The following SPDYE1 variants were observed in gnomAD, a reference collection of about 807,000 sequenced individuals.
SPDYE1 encodes the protein speedy/RINGO cell cycle regulator family member E1, also known as speedy protein E1.
Under a neutral mutation model 45.9 loss-of-function variants are expected in SPDYE1, and 29 were observed. That is an observed-to-expected ratio of 0.63 (90% CI 0.47 to 0.86). The LOEUF (loss-of-function observed/expected upper bound fraction) is 0.86. Ranked by LOEUF, SPDYE1 falls within the 40% of genes least tolerant of loss-of-function variation. The pLI is 0.00. For missense variants in SPDYE1, 346 were observed against 481.4 expected, an observed-to-expected ratio of 0.72 and a Z score of 2.63; for synonymous variants, 134 against 176.8, an observed-to-expected ratio of 0.76 and a Z score of 1.92.
chr7:44,007,192 C>T (rs1225674713), intron 6 of SPDYE1, 76 bp from the exon 7 acceptor site: 9 of 1,611,498 alleles, frequency 5.6e-6, no homozygotes, highest in Non-Finnish European at 7.6e-6. Context: ...CCTTACCTTC[C>T]TCTCTGGGAA....
chr7:44,005,327 C>G, intron 6 of SPDYE1, 100 bp downstream of exon 6: 2 of 1,434,508 alleles, frequency 1.4e-6, no homozygotes, highest in South Asian at 1.1e-5. Flanking sequence ...CCTATTTGTC[C>G]TCTTTACTCT....
intron 6 of SPDYE1, among the ~76,000 whole-genome samples, chr7:44,007,030 C>T (rs1250358566): frequency 4.6e-5 from 7 of 152,208 alleles, no homozygotes; most frequent in African/African-American, 1.2e-4. Context: ...GGATTCCAGG[C>T]GTAAGCCACC....
At chr7:44,006,415 G>A (rs2096071248) in intron 6 of SPDYE1, among the ~76,000 whole-genome samples, 1 of 151,190 alleles carries the variant, frequency 6.6e-6, no homozygotes, top group Middle Eastern at 3.4e-3. Context: ...GCCTGTAGAA[G>A]GCAGGGTCCT....
intron 1 of SPDYE1, among the ~76,000 whole-genome samples, chr7:43,998,506 G>A (rs1453480345): frequency 6.8e-6 from 1 of 147,100 alleles, no homozygotes. Flanking sequence ...GTAGAGATGG[G>A]GTTTCACCAT....
chr7:44,004,406 A>G (rs1043040603), intron 5 of SPDYE1: 6 of 228,878 alleles, frequency 2.6e-5, no homozygotes, highest in East Asian at 1.2e-4. Context: ...TCTGCTCCCC[A>G]GGATGGAGTG....
At chr7:44,005,114 CCT>C (rs1332085443) in intron 5 of SPDYE1, 26 bp from the exon 6 acceptor site, 4 of 1,610,722 alleles carry the variant, frequency 2.5e-6, no homozygotes, top group Non-Finnish European at 1.7e-6. Context: ...GTGACCTCTC[CCT>C]CTCTGTGTTC....
intron 3 of SPDYE1, among the ~76,000 whole-genome samples, chr7:44,001,625 G>A (rs1401598779): frequency 6.6e-6 from 1 of 152,084 alleles, no homozygotes; most frequent in African/African-American, 2.4e-5. Context: ...CTGCACTCCA[G>A]CCTGGGTGAC....
intron 6 of SPDYE1, 100 bp from the exon 7 acceptor site, chr7:44,007,168 A>G: frequency 1.9e-6 from 3 of 1,605,954 alleles, no homozygotes; most frequent in Non-Finnish European, 2.5e-6. Context: ...GCCAGTCCTG[A>G]GCTAGGAACG....
chr7:44,008,306 T>C (rs2096074647), intron 8 of SPDYE1, among the ~76,000 whole-genome samples: 1 of 152,206 alleles, frequency 6.6e-6, no homozygotes, highest in Admixed American at 6.5e-5. Flanking sequence ...TAGAAACACA[T>C]CTAGCATGGT....
Position 44,005,135 on chromosome 7 carries a change from C to G in SPDYE1, c.667-7C>G. On this transcript the variant is annotated splice_region_variant and splice_polypyrimidine_tract_variant and intron_variant, in intron 5 of 8. Coordinates refer to ENST00000693451, the MANE Select transcript of SPDYE1 (RefSeq NM_001378423.2). Reference sequence around the variant, plus strand: ...TCTCCCTCTCTGTGTTCCTTTCTCTCCATCAGTATCTCCTTGCTATGGTCA... The same window carrying G: ...TCTCCCTCTCTGTGTTCCTTTCTCTGCATCAGTATCTCCTTGCTATGGTCA... 3.7e-6 allele frequency: 6 copies of G among 1,611,866 alleles called. No homozygotes were observed. Among genetic ancestry groups the G allele is most frequent in the Non-Finnish European group, 5.1e-6 (6 of 1,179,780 alleles).
At position 44,002,794 on chromosome 7, in the gene SPDYE1, A is replaced by C; in HGVS notation, c.584A>C (p.His195Pro). Residue 195 changes from histidine (H) to proline (P), a missense_variant, in exon 4 of 9, where the codon CAC becomes CCC. Coordinates refer to ENST00000693451, the MANE Select transcript of SPDYE1 (RefSeq NM_001378423.2). ...GTGTCGCTCGTGCTCCCTGAGCACC[A>C]CGAGGCCTTCAACAGGCTGCTTGGT... The part of the protein sequence containing the change: ...RRVSLVLPEH[H>P]EAFNRLLEDP... 6.5e-7 allele frequency: 1 copy of C among 1,536,358 alleles called. No individual in the cohort carries two copies.
At position 44,002,611 on chromosome 7, in the gene SPDYE1, C is replaced by T. The variant is rs2096065234; in HGVS notation, c.401C>T (p.Pro134Leu). The change falls in exon 4 of 9, where the codon CCC becomes CTC. Residue 134 changes from proline (P) to leucine (L), a missense_variant. By Grantham distance (98) the Pro-to-Leu change is moderately conservative (BLOSUM62 -3). This residue lies in a region of SPDYE1 where 141 missense variants were observed against 176.7 expected (regional missense o/e 0.80). Transcript: ENST00000693451. The part of the protein sequence containing the change: ...SQLAPGVDPS[P>L]PHRSFCWKRK... ...TCAGCCCCTGGGGTAGATCCCAGCC[C>T]CCCGCATAGGTCCTTTTGCTGGAAA... is the stretch of plus-strand genomic sequence containing the variant. 6.3e-7 allele frequency: 1 copy of T among 1,594,244 alleles called. No individual in the cohort carries two copies. The highest frequency in any genetic ancestry group is 1.7e-5 in the Admixed American group (1 of 59,254).
rs1202397699 is a variant in SPDYE1 at position 44,009,877 on chromosome 7, A to G, written c.*1256A>G. 1 of 151,922 alleles carries G rather than the reference A, an allele frequency of 6.6e-6. No homozygotes were observed. Among genetic ancestry groups the G allele is most frequent in the Non-Finnish European group, 1.5e-5 (1 of 67,976 alleles). 9.4% of individuals were successfully genotyped at this position (151,922 alleles called of 1,614,324 possible). A position where few individuals can be genotyped will look rare whatever the true frequency, so the allele number is the denominator to read the frequency against. On this transcript the variant is annotated 3_prime_UTR_variant, in exon 9 of 9. Transcript: ENST00000693451. ...TTTATCTATGATACTTAGTTAACAT[A>G]TATATTACATTTATAGCTATGTAGT... is the stretch of plus-strand genomic sequence containing the variant.
chr7:44,000,486 G>A (rs1050802257), intron 2 of SPDYE1, among the ~76,000 whole-genome samples: 1 of 149,898 alleles, frequency 6.7e-6, no homozygotes, highest in African/African-American at 2.5e-5. Context: ...TGAGGAGGGT[G>A]TGTGGGAAGA....
chr7:43,999,088 T>C (rs952528008), intron 1 of SPDYE1, among the ~76,000 whole-genome samples: 24 of 151,834 alleles, frequency 1.6e-4, no homozygotes, highest in Admixed American at 9.9e-4. Context: ...CAAAACTTGA[T>C]ATATAGACTA....
chr7:43,998,445 C>T (rs1032253052), intron 1 of SPDYE1, among the ~76,000 whole-genome samples: 96 of 151,456 alleles, frequency 6.3e-4, no homozygotes, highest in African/African-American at 2.2e-3. Flanking sequence ...TCCTGAGTAG[C>T]TGCGATTACA....
chr7:44,008,389 G>A (rs982050859), intron 8 of SPDYE1, among the ~76,000 whole-genome samples: 4 of 152,144 alleles, frequency 2.6e-5, no homozygotes, highest in African/African-American at 9.7e-5. Context: ...CTCTGAGGGT[G>A]CCCTACTCCC....
rs1298596155 is a variant in SPDYE1, at chr7:44,002,807, C to A, written c.597C>A (p.Asn199Lys). 1.1e-5 allele frequency: 16 copies of A among 1,509,342 alleles called. No individual in the cohort carries two copies. Among genetic ancestry groups the A allele is most frequent in the Non-Finnish European group, 1.3e-5 (15 of 1,138,318 alleles). 93.5% of individuals were successfully genotyped at this position (1,509,342 alleles called of 1,614,324 possible). The change falls in exon 4 of 9, where the codon AAC (asparagine) becomes AAA (lysine). Residue 199 changes from asparagine (N) to lysine (K), a missense_variant. By Grantham distance (94) the Asn-to-Lys change is moderately conservative. Coordinates refer to ENST00000693451, the MANE Select transcript of SPDYE1 (RefSeq NM_001378423.2). ...TCCCTGAGCACCACGAGGCCTTCAA[C>A]AGGCTGCTTGGTAGGAGGACACCCC... ...LVLPEHHEAF[N>K]RLLEDPVIKR...
intron 1 of SPDYE1, among the ~76,000 whole-genome samples, chr7:43,999,284 G>A (rs2096059401): frequency 1.3e-5 from 2 of 152,152 alleles, no homozygotes; most frequent in Admixed American, 6.5e-5. Context: ...GAGGACGTAT[G>A]TACCCCCAGT....
Sources: gnomAD v4.1 joint callset for allele counts (sites outside exome capture counted in the v4.1 genomes callset) on GRCh38, gnomAD v4.1.1 for gene constraint, gnomAD v4.1.1 regional missense constraint, MANE v1.5 for transcripts, NCBI Gene and HGNC (gene_info 2026-07-23, HGNC 2026-07-21) for gene names.